Variants in GRID1 observed in about 807,000 individuals in gnomAD.
GRID1 encodes the protein glutamate receptor ionotropic, delta-1.
Under a neutral mutation model 98.0 loss-of-function variants are expected in GRID1, and 28 were observed. That is an observed-to-expected ratio of 0.29 (90% CI 0.21 to 0.39). The LOEUF is 0.39. GRID1 is among the 10% of genes least tolerant of loss of function. GRID1 has a pLI of 1.00. For synonymous variants in GRID1, 553 were observed against 538.5 expected (o/e 1.03, Z -0.37); for missense variants, 1,111 against 1,340.5 (o/e 0.83, Z 2.67).
At chr10:86,110,927 A>G (rs1371627839) in intron 4 of GRID1, among the ~76,000 whole-genome samples, 1 of 152,260 alleles carries the variant, frequency 6.6e-6, no homozygotes, top group Admixed American at 6.5e-5. Flanking sequence ...TGGAGAATGC[A>G]GACACAAATA....
chr10:85,777,940 A>G (rs1220135952), intron 8 of GRID1, among the ~76,000 whole-genome samples: 1 of 152,206 alleles, frequency 6.6e-6, no homozygotes, highest in East Asian at 1.9e-4. Flanking sequence ...GAATAAATCC[A>G]CACCCCAAAT....
At chr10:86,174,429 G>A (rs1219047711) in intron 3 of GRID1, among the ~76,000 whole-genome samples, 2 of 151,698 alleles carry the variant, frequency 1.3e-5, no homozygotes, top group Non-Finnish European at 2.9e-5. Flanking sequence ...TGGGAAAACT[G>A]GCTAGCCATA....
intron 2 of GRID1, among the ~76,000 whole-genome samples, chr10:86,356,330 G>A (rs930537830): frequency 2.0e-5 from 3 of 152,190 alleles, no homozygotes; most frequent in Non-Finnish European, 4.4e-5. Flanking sequence ...TTAATGAAAC[G>A]CCAAGGAAAT....
chr10:86,067,552 G>T (rs973669581), intron 4 of GRID1, among the ~76,000 whole-genome samples: 1 of 152,188 alleles, frequency 6.6e-6, no homozygotes, highest in Admixed American at 6.5e-5. Flanking sequence ...AAAACTCTTG[G>T]GATAAAAGGT....
intron 8 of GRID1, among the ~76,000 whole-genome samples, chr10:85,782,641 G>T (rs928997925): frequency 6.6e-6 from 1 of 152,222 alleles, no homozygotes; most frequent in African/African-American, 2.4e-5. Context: ...TAAGGCAAAT[G>T]AGTATCAGGG....
At chr10:85,619,845 T>C (rs1224283348) in intron 14 of GRID1, 22 bp downstream of exon 14, 1 of 1,601,486 alleles carries the variant, frequency 6.2e-7, no homozygotes. Flanking sequence ...GCAGCGGTAG[T>C]TACCTTGCTG....
In GRID1 at chr10:86,166,150, C is replaced by T. The variant is rs988095800; in HGVS notation, c.521-27126G>A. Among the ~76,000 whole-genome samples, 17 of 152,224 alleles carry T rather than the reference C, an allele frequency of 1.1e-4. No homozygotes were observed. The South Asian group carries it at 2.7e-3, about 24-fold the overall frequency. ...TTATTATACTTTAAGTTCTAGGGTACATGTGCACAACATGCAGGTTTGTTA... is the reference window on the plus strand; with the variant it reads ...TTATTATACTTTAAGTTCTAGGGTATATGTGCACAACATGCAGGTTTGTTA... On this transcript the variant is annotated intron_variant, in intron 3 of 15. Transcript: ENST00000327946.
chr10:85,914,797 C>T (rs1368675511), intron 5 of GRID1, among the ~76,000 whole-genome samples: 1 of 152,168 alleles, frequency 6.6e-6, no homozygotes, highest in Non-Finnish European at 1.5e-5. Flanking sequence ...CAGAATGAAG[C>T]CATTAGAAAT....
chr10:86,205,870 C>G (rs1564705989), intron 3 of GRID1, among the ~76,000 whole-genome samples: 2 of 152,142 alleles, frequency 1.3e-5, no homozygotes. Flanking sequence ...ACCCCCAACC[C>G]CAGCCTGGCT....
chr10:85,667,352 C>A (rs1841033234), intron 12 of GRID1, among the ~76,000 whole-genome samples: 1 of 150,568 alleles, frequency 6.6e-6, no homozygotes, highest in South Asian at 2.1e-4. Context: ...GAGAGACGAA[C>A]AATGTCTTTT....
At chr10:85,699,672 A>G (rs1427628573) in intron 12 of GRID1, among the ~76,000 whole-genome samples, 2 of 152,204 alleles carry the variant, frequency 1.3e-5, no homozygotes, top group Non-Finnish European at 2.9e-5. Flanking sequence ...AATAAAGTTT[A>G]TTTCTTTACA....
chr10:86,030,275 G>A, intron 4 of GRID1, among the ~76,000 whole-genome samples: 1 of 152,270 alleles, frequency 6.6e-6, no homozygotes, highest in East Asian at 1.9e-4. Flanking sequence ...AGGATATTTA[G>A]GACAAGACAG....
At chr10:86,106,406 G>A (rs964725701) in intron 4 of GRID1, among the ~76,000 whole-genome samples, 4 of 152,064 alleles carry the variant, frequency 2.6e-5, no homozygotes, top group Non-Finnish European at 5.9e-5. Context: ...TAGATTATGG[G>A]ATGGAGGGAG....
chr10:86,177,445 G>A (rs1012015470), intron 3 of GRID1, among the ~76,000 whole-genome samples: 2 of 151,950 alleles, frequency 1.3e-5, no homozygotes, highest in African/African-American at 4.8e-5. Flanking sequence ...GTATGGGGGG[G>A]TGGGTGCATG....
intron 12 of GRID1, among the ~76,000 whole-genome samples, chr10:85,652,301 C>T (rs1363836775): frequency 2.0e-5 from 3 of 152,162 alleles, no homozygotes; most frequent in African/African-American, 7.2e-5. Flanking sequence ...ATCAATAATA[C>T]AGAATTTATA....
intron 4 of GRID1, among the ~76,000 whole-genome samples, chr10:85,978,766 T>G (rs1842506622): frequency 6.6e-6 from 1 of 152,170 alleles, no homozygotes; most frequent in Non-Finnish European, 1.5e-5. Flanking sequence ...CAGCAAGCAG[T>G]GTGCTGATGA....
intron 4 of GRID1, among the ~76,000 whole-genome samples, chr10:85,920,047 A>G (rs1841680723): frequency 6.6e-6 from 1 of 152,102 alleles, no homozygotes; most frequent in Admixed American, 6.5e-5. Context: ...AACAAATCCC[A>G]GCTGCCTTGC....
intron 3 of GRID1, among the ~76,000 whole-genome samples, chr10:86,197,150 G>C (rs1308245566): frequency 6.6e-6 from 1 of 151,662 alleles, no homozygotes; most frequent in African/African-American, 2.4e-5. Context: ...GAGGTGCCAA[G>C]AGAAAATAGA....
intron 8 of GRID1, among the ~76,000 whole-genome samples, chr10:85,810,124 T>C (rs113938264): frequency 0.058 from 5,166 of 89,572 alleles, 35 homozygotes; most frequent in African/African-American, 0.1. Context: ...TCCACCATCT[T>C]TCCACCCACA....
Sources: gnomAD v4.1 joint callset for allele counts (sites outside exome capture counted in the v4.1 genomes callset) on GRCh38, gnomAD v4.1.1 for gene constraint, MANE v1.5 for transcripts, NCBI Gene and HGNC (gene_info 2026-07-23, HGNC 2026-07-21) for gene names.